Variants in PCNT observed in about 807,000 individuals in gnomAD.
The protein encoded by PCNT is kendrin.
In PCNT, 319 loss-of-function variants were observed where a neutral mutation model predicts 380.4. The observed-to-expected ratio is 0.84, with a 90% CI of 0.77 to 0.92. PCNT has a LOEUF of 0.92. Ranked by LOEUF, PCNT falls within the 40% of genes least tolerant of loss-of-function variation. The probability of loss-of-function intolerance (pLI) is 0.00; values close to 1 mark genes in which losing one functional copy is unlikely to be tolerated. For missense variants in PCNT, 4,400 were observed against 4,255.3 expected (o/e 1.03, Z -0.95); for synonymous variants, 1,845 against 1,735.2 (o/e 1.06, Z -1.57).
At chr21:46,406,762 CTGTTA>C (rs2086633365) in intron 27 of PCNT, among the ~76,000 whole-genome samples, 1 of 152,096 alleles carries the variant, frequency 6.6e-6, no homozygotes, top group Admixed American at 6.5e-5. Context: ...CAAGGAAGTT[CTGTTA>C]TATTTCTAGT....
chr21:46,359,803 C>T (rs2084638947), intron 13 of PCNT, among the ~76,000 whole-genome samples: 1 of 151,852 alleles, frequency 6.6e-6, no homozygotes, highest in South Asian at 2.1e-4. Context: ...TTTATCAATA[C>T]AGTCATTCCA....
chr21:46,334,751 C>T lies in PCNT; in HGVS notation c.622C>T (p.Arg208Cys), dbSNP rs147670433. 76 of 1,614,218 alleles carry T rather than the reference C, an allele frequency of 4.7e-5. No homozygotes were observed. The highest frequency in any genetic ancestry group is 1.6e-4 in the African/African-American group (12 of 75,070). Residue 208 changes from arginine to cysteine, a missense_variant, in exon 3 of 47, where the codon CGT becomes TGT. Transcript: ENST00000359568. ...FTISDHPAEQ[R>C]GMFTKECEQE... ...AATCAGTGACCACCCAGCAGAACAG[C>T]GTGGGATGTTCACAAAGGTATTCTT...
In PCNT at chr21:46,385,828, A is replaced by T; in HGVS notation, c.3313-4A>T. The T allele has an allele frequency of 6.2e-7, 1 of 1,614,230 alleles. No homozygotes were observed. On this transcript the variant is annotated splice_polypyrimidine_tract_variant and splice_region_variant and intron_variant, in intron 16 of 46. Transcript: ENST00000359568. ...ACGAAAGCTTTAACCATTTTTCTCGATAGCTGAAAGACCAGGTTTTATCCT... is the reference window on the plus strand; with the variant it reads ...ACGAAAGCTTTAACCATTTTTCTCGTTAGCTGAAAGACCAGGTTTTATCCT...
Position 46,430,662 on chromosome 21 carries a change from C to A in PCNT, c.8064+5C>A. On this transcript the variant is annotated splice_donor_5th_base_variant and intron_variant, in intron 37 of 46. Transcript: ENST00000359568. ...CAGAGTGCCAAGGCCCTGGAGGTAACAGGGTGTCAGGGCAAGGCAGCCGGC... is the reference window on the plus strand; with the variant it reads ...CAGAGTGCCAAGGCCCTGGAGGTAAAAGGGTGTCAGGGCAAGGCAGCCGGC... The A allele has an allele frequency of 6.4e-7, 1 of 1,566,674 alleles. No individual in the cohort carries two copies. The highest frequency in any genetic ancestry group is 8.6e-7 in the Non-Finnish European group (1 of 1,156,538).
chr21:46,414,448 TCGCC>T (rs2086928502), intron 29 of PCNT, among the ~76,000 whole-genome samples: 1 of 46,420 alleles, frequency 2.2e-5, no homozygotes, highest in Non-Finnish European at 4.0e-5. Context: ...CTGGACACAG[TCGCC>T]CACCCTCCTC....
chr21:46,367,702 C>T (rs999075205), intron 15 of PCNT, among the ~76,000 whole-genome samples: 8 of 152,122 alleles, frequency 5.3e-5, no homozygotes, highest in African/African-American at 1.9e-4. Context: ...AGGGCCTAGA[C>T]CTTGGTGGGG....
Position 46,352,301 on chromosome 21 carries a change from C to T in PCNT, c.1456+761C>T, listed in dbSNP as rs2084301860. Among the ~76,000 whole-genome samples the T allele has an allele frequency of 1.3e-5, 2 of 152,260 alleles. 1 individual carries two copies. The highest frequency in any genetic ancestry group is 4.1e-4 in the South Asian group (2 of 4,838). On this transcript the variant is annotated intron_variant, in intron 9 of 46. Coordinates refer to ENST00000359568, the MANE Select transcript of PCNT (RefSeq NM_006031.6). Reference sequence around the variant, plus strand: ...CAGGGCACCAGGCCTGGCTCCGCCTCCCAGCCCTGCGCCCTGCCGGGACCA... The same window carrying T: ...CAGGGCACCAGGCCTGGCTCCGCCTTCCAGCCCTGCGCCCTGCCGGGACCA...
At chr21:46,348,597 G>T (rs1677374465) in intron 6 of PCNT, among the ~76,000 whole-genome samples, 1 of 152,162 alleles carries the variant, frequency 6.6e-6, no homozygotes, top group African/African-American at 2.4e-5. Context: ...GGACAGTTTA[G>T]TTGGGGGCCA....
intron 21 of PCNT, among the ~76,000 whole-genome samples, chr21:46,392,305 C>T (rs904319902): frequency 7.2e-5 from 11 of 152,032 alleles, no homozygotes; most frequent in African/African-American, 2.4e-4. Context: ...CTGCAACCTC[C>T]GCCTCCTGGG....
intron 34 of PCNT, 96 bp downstream of exon 34, chr21:46,427,891 TTG>T: frequency 7.2e-7 from 1 of 1,398,458 alleles, no homozygotes; most frequent in Non-Finnish European, 1.0e-6. Context: ...GAATTTCGGT[TTG>T]TGTGTTTCTC....
At chr21:46,432,563 T>C (rs2087813404) in intron 38 of PCNT, among the ~76,000 whole-genome samples, 1 of 152,208 alleles carries the variant, frequency 6.6e-6, no homozygotes, top group African/African-American at 2.4e-5. Context: ...TTGCTCTGGG[T>C]AGTATTGACA....
chr21:46,324,423 C>A (rs552938132), intron 1 of PCNT, 141 bp downstream of exon 1: 1 of 757,988 alleles, frequency 1.3e-6, no homozygotes, highest in Non-Finnish European at 2.3e-6. Context: ...CCGCCGGCTC[C>A]GCTGGAAGCC....
At chr21:46,371,783 C>T (rs532941947) in intron 15 of PCNT, among the ~76,000 whole-genome samples, 106 of 152,144 alleles carry the variant, frequency 7.0e-4, no homozygotes, top group Middle Eastern at 3.4e-3. Context: ...TGAGCACACG[C>T]ACACACAGCA....
chr21:46,359,484 T>G (rs1400845002), intron 13 of PCNT, among the ~76,000 whole-genome samples: 1 of 82,256 alleles, frequency 1.2e-5, no homozygotes, highest in Non-Finnish European at 2.9e-5. Context: ...ACACCTGTTT[T>G]TTTTTTGTTT....
In PCNT at chr21:46,397,425, C is replaced by G. The variant is rs552768332; in HGVS notation, c.4377C>G (p.Ala1459=). The stretch of plus-strand genomic sequence containing the variant: ...GCGGGTGTGCCAAGCAGGCGGAGGC[C>G]GTCACTGCCCTGGAACAGCAGGTGG... ...QHRGCAKQAE[A]VTALEQQVAS... The change falls in exon 22 of 47, where the codon GCC becomes GCG. Residue 1459 remains alanine, a synonymous_variant. Transcript: ENST00000359568. 4 of 1,614,062 alleles carry G rather than the reference C, an allele frequency of 2.5e-6. No individual in the cohort carries two copies. The highest frequency in any genetic ancestry group is 3.4e-6 in the Non-Finnish European group (4 of 1,180,050).
intron 35 of PCNT, among the ~76,000 whole-genome samples, chr21:46,428,912 C>T (rs2087623169): frequency 6.8e-6 from 1 of 147,944 alleles, no homozygotes; most frequent in Non-Finnish European, 1.5e-5. Context: ...TTTAATTTAG[C>T]TTCTTCGGGA....
intron 27 of PCNT, among the ~76,000 whole-genome samples, chr21:46,403,473 GTGAA>G: frequency 7.8e-6 from 1 of 127,774 alleles, no homozygotes; most frequent in East Asian, 2.6e-4. Context: ...CACGTGCTTG[GTGAA>G]TGAACACAGC....
chr21:46,380,951 G>A (rs2085510137), intron 15 of PCNT, among the ~76,000 whole-genome samples: 1 of 152,090 alleles, frequency 6.6e-6, no homozygotes, highest in Non-Finnish European at 1.5e-5. Flanking sequence ...GATCACTTGA[G>A]GTCAGGAGTT....
intron 27 of PCNT, among the ~76,000 whole-genome samples, chr21:46,405,645 G>A (rs1286201175): frequency 1.3e-5 from 2 of 152,110 alleles, no homozygotes; most frequent in South Asian, 2.1e-4. Flanking sequence ...GCAGTGAGCC[G>A]AGATTGCGCC....
Sources: allele counts gnomAD v4.1 joint callset (sites outside exome capture counted in the v4.1 genomes callset), GRCh38; gene constraint gnomAD v4.1.1; transcripts MANE v1.5; gene names NCBI Gene and HGNC (gene_info 2026-07-23, HGNC 2026-07-21).